SOBP: variants seen among roughly 807,000 people sequenced by gnomAD.
SOBP encodes sine oculis-binding protein homolog.
Under a neutral mutation model 53.6 loss-of-function variants are expected in SOBP, and 4 were observed. The observed-to-expected ratio is 0.07, with a 90% CI of 0.04 to 0.17. SOBP has a LOEUF of 0.17. Among genes scored for constraint, SOBP ranks in the 10% least tolerant of loss-of-function variants. The pLI is 1.00. For synonymous variants in SOBP, 584 were observed against 522.6 expected (o/e 1.12, Z -1.60); for missense variants, 1,088 against 1,204.7 (o/e 0.90, Z 1.43).
intron 6 of SOBP, among the ~76,000 whole-genome samples, chr6:107,646,736 G>A (rs1159492808): frequency 6.6e-6 from 1 of 152,216 alleles, no homozygotes; most frequent in Non-Finnish European, 1.5e-5. Context: ...TTTCCAGGCT[G>A]TAAACCTTCA....
At chr6:107,583,289 C>T (rs1025749664) in intron 4 of SOBP, among the ~76,000 whole-genome samples, 5 of 152,148 alleles carry the variant, frequency 3.3e-5, no homozygotes, top group African/African-American at 1.2e-4. Flanking sequence ...CCTTAGGAAG[C>T]TTGTAGGCTA....
chr6:107,594,577 G>A (rs1309671461), intron 5 of SOBP, among the ~76,000 whole-genome samples: 3 of 152,108 alleles, frequency 2.0e-5, no homozygotes, highest in African/African-American at 7.2e-5. Context: ...GTTAAAATGT[G>A]CAACTAAGAA....
chr6:107,553,822 G>A (rs1040864643), intron 4 of SOBP, among the ~76,000 whole-genome samples: 3 of 152,036 alleles, frequency 2.0e-5, no homozygotes, highest in Non-Finnish European at 4.4e-5. Flanking sequence ...AGGTTTTGCT[G>A]TGTTGGCCAG....
intron 6 of SOBP, among the ~76,000 whole-genome samples, chr6:107,637,923 A>G (rs1771120516): frequency 6.6e-6 from 1 of 152,278 alleles, no homozygotes; most frequent in Non-Finnish European, 1.5e-5. Context: ...AGATGTGGTG[A>G]TGAAATTGCC....
chr6:107,587,269 G>A (rs1583242011), intron 5 of SOBP, 94 bp downstream of exon 5: 1 of 978,072 alleles, frequency 1.0e-6, no homozygotes, highest in East Asian at 2.4e-5. Context: ...CATAATTGAT[G>A]AAATATTATA....
intron 5 of SOBP, among the ~76,000 whole-genome samples, chr6:107,590,548 C>T (rs1785710710): frequency 1.3e-5 from 2 of 152,182 alleles, no homozygotes; most frequent in East Asian, 1.9e-4. Context: ...GAGCCATCAC[C>T]TAGACAACGT....
chr6:107,531,816 T>C (rs1405876764), intron 3 of SOBP, among the ~76,000 whole-genome samples: 2 of 152,202 alleles, frequency 1.3e-5, no homozygotes, highest in Non-Finnish European at 2.9e-5. Flanking sequence ...GATCACAATA[T>C]GTAATTTGTG....
At chr6:107,573,343 T>C (rs73516975) in intron 4 of SOBP, among the ~76,000 whole-genome samples, 5,091 of 152,170 alleles carry the variant, frequency 0.033, 285 homozygotes, top group African/African-American at 0.11. Flanking sequence ...TATTGCCTTC[T>C]TGCCAGCTGA....
intron 4 of SOBP, among the ~76,000 whole-genome samples, chr6:107,534,161 T>C (rs1471162478): frequency 6.6e-6 from 1 of 152,208 alleles, no homozygotes; most frequent in Non-Finnish European, 1.5e-5. Context: ...TGAAACAACA[T>C]TGCTCACACA....
intron 3 of SOBP, among the ~76,000 whole-genome samples, chr6:107,526,493 C>A (rs1405856131): frequency 6.6e-6 from 1 of 152,180 alleles, no homozygotes; most frequent in Non-Finnish European, 1.5e-5. Flanking sequence ...TCCTTTCTCT[C>A]CTCTTTAACT....
At chr6:107,532,271 AC>A (rs370699908) in intron 3 of SOBP, among the ~76,000 whole-genome samples, 24 of 113,770 alleles carry the variant, frequency 2.1e-4, no homozygotes, top group African/African-American at 5.8e-4. Flanking sequence ...ACACACACAC[AC>A]CACACACACA....
At chr6:107,591,971 T>G (rs1785768104) in intron 5 of SOBP, among the ~76,000 whole-genome samples, 1 of 68,006 alleles carries the variant, frequency 1.5e-5, no homozygotes. Flanking sequence ...TTTTGGTGTT[T>G]TTTTTTTTTT....
intron 5 of SOBP, among the ~76,000 whole-genome samples, chr6:107,625,449 G>A (rs1437192791): frequency 6.6e-6 from 1 of 152,212 alleles, no homozygotes; most frequent in East Asian, 1.9e-4. Context: ...GTATGTAGTT[G>A]GTGAGTGGAT....
At chr6:107,655,709 T>C (rs1462873920) in intron 6 of SOBP, among the ~76,000 whole-genome samples, 3 of 152,144 alleles carry the variant, frequency 2.0e-5, no homozygotes, top group Admixed American at 2.0e-4. Context: ...GGATGGCAAA[T>C]GCTGTAGTTA....
chr6:107,585,356 C>A (rs1381872525), intron 4 of SOBP, among the ~76,000 whole-genome samples: 2 of 152,164 alleles, frequency 1.3e-5, no homozygotes, highest in Non-Finnish European at 2.9e-5. Flanking sequence ...TACTTTCTTA[C>A]AACTGCCTTT....
At chr6:107,606,961 C>G (rs1030482023) in intron 5 of SOBP, among the ~76,000 whole-genome samples, 1 of 152,200 alleles carries the variant, frequency 6.6e-6, no homozygotes, top group Non-Finnish European at 1.5e-5. Context: ...ACTCCTTGGC[C>G]TTGGGTTTCG....
At chr6:107,613,415 A>G (rs980029628) in intron 5 of SOBP, among the ~76,000 whole-genome samples, 2 of 152,246 alleles carry the variant, frequency 1.3e-5, no homozygotes, top group African/African-American at 2.4e-5. Context: ...TTAAAAATAC[A>G]TAGCCATTCA....
At chr6:107,566,793 G>A (rs1050024527) in intron 4 of SOBP, among the ~76,000 whole-genome samples, 1 of 152,172 alleles carries the variant, frequency 6.6e-6, no homozygotes, top group East Asian at 1.9e-4. Context: ...CGTTCCTGAG[G>A]GAGGAAATCG....
In SOBP at chr6:107,633,555, C is replaced by T; in HGVS notation, c.711C>T (p.Tyr237=). The change falls in exon 6 of 7, where the codon TAC becomes TAT. Residue 237 remains tyrosine (Y), a synonymous_variant. Coordinates refer to ENST00000317357, the MANE Select transcript of SOBP (RefSeq NM_018013.4). The part of the protein sequence containing the change: ...WCKHIRHTKE[Y]LDFGDGERRL... ...AGCACATAAGACACACAAAAGAATA[C>T]CTGGATTTTGGGGACGGGGAAAGAA... The T allele has an allele frequency of 1.2e-6, 2 of 1,614,162 alleles. No individual in the cohort carries two copies. The highest frequency in any genetic ancestry group is 2.2e-5 in the South Asian group (2 of 91,082).
Sources: allele counts gnomAD v4.1 joint callset (sites outside exome capture counted in the v4.1 genomes callset), GRCh38; gene constraint gnomAD v4.1.1; transcripts MANE v1.5; gene names NCBI Gene and HGNC (gene_info 2026-07-23, HGNC 2026-07-21).